Variants in RYR1 observed in about 807,000 individuals in gnomAD.
RYR1 encodes central core disease of muscle.
In RYR1, 342 loss-of-function variants were observed where a neutral mutation model predicts 583.5. The ratio of observed to expected loss-of-function variants is 0.59; its 90% confidence interval spans 0.54 to 0.64. The LOEUF is 0.64. RYR1 is among the 30% of genes least tolerant of loss of function. The pLI is 0.00. For synonymous variants in RYR1, 2,791 were observed against 2,822.5 expected (o/e 0.99, Z 0.35); for missense variants, 6,032 against 6,917.2 (o/e 0.87, Z 4.54).
chr19:38,456,768 C>T (rs1029223737), intron 16 of RYR1, among the ~76,000 whole-genome samples: 4 of 149,448 alleles, frequency 2.7e-5, no homozygotes, highest in African/African-American at 4.9e-5. Context: ...GAATGACAGC[C>T]GGGCATGGTG....
intron 7 of RYR1, among the ~76,000 whole-genome samples, chr19:38,446,212 C>T (rs1345959265): frequency 6.6e-6 from 1 of 152,086 alleles, no homozygotes; most frequent in East Asian, 1.9e-4. Flanking sequence ...ATGACAGACT[C>T]ACAACTCCCC....
chr19:38,468,036 TC>T (rs1169340492), intron 25 of RYR1: 3 of 563,842 alleles, frequency 5.3e-6, no homozygotes, highest in Non-Finnish European at 9.5e-6. Context: ...CATCCATCCA[TC>T]CATCCATCCA....
At chr19:38,447,589 C>A (rs910170673) in intron 9 of RYR1, among the ~76,000 whole-genome samples, 2 of 136,338 alleles carry the variant, frequency 1.5e-5, no homozygotes, top group African/African-American at 5.5e-5. Flanking sequence ...CACCTGTAAT[C>A]CCAGCACTTT....
chr19:38,460,162 C>A (rs1341367630), intron 19 of RYR1, among the ~76,000 whole-genome samples: 1 of 152,206 alleles, frequency 6.6e-6, no homozygotes, highest in Non-Finnish European at 1.5e-5. Context: ...CCGCTCTCAA[C>A]TCCCTGGCTC....
chr19:38,571,458 C>G (rs1240970717), intron 94 of RYR1, among the ~76,000 whole-genome samples: 1 of 152,158 alleles, frequency 6.6e-6, no homozygotes, highest in Non-Finnish European at 1.5e-5. Context: ...CATGGTGAAA[C>G]CCCGTCTCTA....
At position 38,565,107 on chromosome 19, in the gene RYR1, A is replaced by G. The variant is rs776328888; in HGVS notation, c.12773A>G (p.Glu4258Gly). The change falls in exon 91 of 106, where the codon GAG (glutamate) becomes GGG (glycine). Residue 4258 changes from glutamate (E) to glycine (G), a missense_variant. Glu to Gly is a moderately conservative substitution (Grantham distance 98, BLOSUM62 -2). This residue lies in a region of RYR1 where 753 missense variants were observed against 759.6 expected (regional missense o/e 0.99). Transcript: ENST00000359596. This position sits in a 1 kb window ranked among gnomAD's most constrained non-coding sequence, Gnocchi z 4.7. ...AQISEPEGEP[E>G]TDEDEGAGAA... ...ATCTCGGAGCCCGAGGGCGAGCCGG[A>G]GACCGACGAGGACGAGGGCGCGGGC... 4 of 1,545,342 alleles carry G rather than the reference A, an allele frequency of 2.6e-6. No individual in the cohort carries two copies. The South Asian group carries it at 3.6e-5, about 14-fold the overall frequency.
rs191476979 is a variant in RYR1, at chr19:38,475,186, C to G, written c.4161-132C>G. 327 of 1,246,656 alleles carry G rather than the reference C, an allele frequency of 2.6e-4. 2 individuals are homozygous for G. The East Asian group carries it at 7.3e-3, about 28-fold the overall frequency. The allele number at this position is 1,246,656 out of a possible 1,614,324, so 77.2% of individuals were successfully genotyped here. ...GATTAGTCTGGGGTAGGTGGGAATC[C>G]AGCCCTCTAGAGGCAAGACCTGGGG... On this transcript the variant is annotated intron_variant, in intron 28 of 105. Coordinates refer to ENST00000359596, the MANE Select transcript of RYR1 (RefSeq NM_000540.3).
At chr19:38,532,374 C>T (rs1971775166) in intron 76 of RYR1, 116 bp from the exon 77 acceptor site, 2 of 1,006,198 alleles carry the variant, frequency 2.0e-6, no homozygotes, top group Non-Finnish European at 3.1e-6. Context: ...CTGCCTGCCT[C>T]AGCCTCCCAG....
intron 96 of RYR1, among the ~76,000 whole-genome samples, chr19:38,574,259 GAAAA>G (rs1181191265): frequency 5.1e-5 from 2 of 38,948 alleles, no homozygotes; most frequent in African/African-American, 1.0e-4. Flanking sequence ...GACTCCATCT[GAAAA>G]AAAAAAAAAA....
intron 24 of RYR1, 101 bp downstream of exon 24, chr19:38,466,499 A>AT: frequency 5.7e-6 from 5 of 875,030 alleles, no homozygotes; most frequent in South Asian, 3.4e-5. Flanking sequence ...AATGGGCTAT[A>AT]TCTTTTTTTT....
intron 89 of RYR1, among the ~76,000 whole-genome samples, chr19:38,553,641 A>T (rs955204219): frequency 6.6e-6 from 1 of 152,184 alleles, no homozygotes; most frequent in African/African-American, 2.4e-5. Flanking sequence ...GCAACAGAGC[A>T]CAAGACTTTG....
At position 38,578,054 on chromosome 19, in the gene RYR1, C is replaced by A; in HGVS notation, c.14303+6C>A. The A allele has an allele frequency of 6.2e-7, 1 of 1,614,010 alleles. No homozygotes were observed. The highest frequency in any genetic ancestry group is 8.5e-7 in the Non-Finnish European group (1 of 1,179,944). ...CCGCCAGGGCTGCTGACCTGGTGAG[C>A]CCAGGACACCCCTGCACAGGCCTGG... On this transcript the variant is annotated splice_donor_region_variant and intron_variant, in intron 98 of 105. Transcript: ENST00000359596.
At chr19:38,507,942 G>A (rs1970554564) in intron 58 of RYR1, 115 bp downstream of exon 58, 1 of 711,938 alleles carries the variant, frequency 1.4e-6, no homozygotes. Context: ...CTTATCTGAT[G>A]TTTATTGAGC....
rs745311427 is a variant in RYR1, at chr19:38,543,630, G to A, written c.11877G>A (p.Gln3959=). 6 of 1,613,972 alleles carry A rather than the reference G, an allele frequency of 3.7e-6. No homozygotes were observed. In the South Asian group the frequency reaches 5.5e-5, roughly 15 times the overall value. Reference sequence around the variant, plus strand: ...CCAAAGCCATGTCGGTGGCTAAGCAGGTGTTCAACAGCCTCACTGAGTACA... The same window carrying A: ...CCAAAGCCATGTCGGTGGCTAAGCAAGTGTTCAACAGCCTCACTGAGTACA... ...NFSKAMSVAK[Q]VFNSLTEYIQ... Residue 3959 remains glutamine, a synonymous_variant, in exon 86 of 106, where the codon CAG becomes CAA. Transcript: ENST00000359596. The surrounding 1 kb of genome is among the most constrained non-coding windows in gnomAD (Gnocchi z 4.4).
chr19:38,563,994 A>G (rs551237173), intron 90 of RYR1, among the ~76,000 whole-genome samples: 3 of 152,348 alleles, frequency 2.0e-5, no homozygotes, highest in Admixed American at 6.5e-5. Flanking sequence ...AACTGCTTGT[A>G]TGGGGCCTGG....
chr19:38,515,557 G>A (rs1276741459), intron 64 of RYR1, among the ~76,000 whole-genome samples: 1 of 152,202 alleles, frequency 6.6e-6, no homozygotes, highest in Non-Finnish European at 1.5e-5. Context: ...ACTTTGGGAG[G>A]CTGAGGCGGG....
chr19:38,534,105 G>A (rs1006849055), intron 78 of RYR1, among the ~76,000 whole-genome samples: 1 of 149,478 alleles, frequency 6.7e-6, no homozygotes, highest in Non-Finnish European at 1.5e-5. Flanking sequence ...TCCACCTCCC[G>A]GGTTCAAGCA....
At chr19:38,490,043 C>T (rs745663905) in intron 35 of RYR1, 33 bp from the exon 36 acceptor site, 2 of 1,608,172 alleles carry the variant, frequency 1.2e-6, no homozygotes. Flanking sequence ...GTCTCACCTC[C>T]ATCTCTCCTC....
rs373593426 is a variant in RYR1 at position 38,462,846 on chromosome 19, G to A, written c.2578-577G>A. Among the ~76,000 whole-genome samples, 22 of 151,974 alleles carry A rather than the reference G, an allele frequency of 1.4e-4. No individual in the cohort carries two copies. In the East Asian group the frequency reaches 3.3e-3, roughly 23 times the overall value. ...TGCCCTCATGGAGCTCCCAGTCCACGGGGGAGACAGACCCGTCCCAGATAA... is the reference window on the plus strand; with the variant it reads ...TGCCCTCATGGAGCTCCCAGTCCACAGGGGAGACAGACCCGTCCCAGATAA... On this transcript the variant is annotated intron_variant, in intron 20 of 105. Coordinates refer to ENST00000359596, the MANE Select transcript of RYR1 (RefSeq NM_000540.3).
Sources: gnomAD v4.1 joint callset for allele counts (sites outside exome capture counted in the v4.1 genomes callset) on GRCh38, gnomAD v4.1.1 for gene constraint, gnomAD v4.1.1 regional missense constraint, Gnocchi (gnomAD v3.1) non-coding constraint, MANE v1.5 for transcripts, NCBI Gene and HGNC (gene_info 2026-07-23, HGNC 2026-07-21) for gene names.